The following CHD2 variants were observed in gnomAD, a reference collection of about 807,000 sequenced individuals.
CHD2 encodes the protein ATP-dependent chromatin remodeler CHD2.
CHD2 carries 28 observed loss-of-function variants against 243.9 expected under a neutral mutation model. The ratio of observed to expected loss-of-function variants is 0.11; its 90% CI spans 0.09 to 0.16. CHD2 has a LOEUF of 0.16. Among genes scored for constraint, CHD2 ranks in the 10% least tolerant of loss-of-function variants. CHD2 has a pLI of 1.00. For missense variants in CHD2, 1,386 were observed against 2,209.8 expected (o/e 0.63, Z 7.47); for synonymous variants, 775 against 779.0 (o/e 0.99, Z 0.09).
intron 26 of CHD2, among the ~76,000 whole-genome samples, chr15:92,991,043 A>T (rs2054113177): frequency 6.6e-6 from 1 of 152,226 alleles, no homozygotes; most frequent in Admixed American, 6.5e-5. Context: ...TGGTTTTCTA[A>T]TAACGAAAAA....
chr15:93,014,689 T>C lies in CHD2; in HGVS notation c.4693-7T>C. On this transcript the variant is annotated splice_polypyrimidine_tract_variant and splice_region_variant and intron_variant, in intron 36 of 38. Transcript: ENST00000394196. ...TTGAGCTTCTTTGGTTTCCTTTTAC[T>C]CTTTAGGAGCAAAAGAAGAAAGACG... 1 of 1,613,044 alleles carries C rather than the reference T, an allele frequency of 6.2e-7. No homozygotes were observed. Among genetic ancestry groups the C allele is most frequent in the South Asian group, 1.1e-5 (1 of 91,032 alleles).
At position 93,024,560 on chromosome 15, in the gene CHD2, A is replaced by C. The variant is rs772827876; in HGVS notation, c.5342A>C (p.His1781Pro). The change falls in exon 39 of 39, where the codon CAC (histidine) becomes CCC (proline). Residue 1781 changes from histidine (H) to proline (P), a missense_variant. His to Pro is a moderately conservative substitution (Grantham distance 77). Transcript: ENST00000394196. ...GEYKQPLPPL[H>P]PAVSDPRSPP... ...TATAAACAGCCTCTACCCCCATTGCACCCTGCAGTCTCAGATCCTCGCTCA... is the reference window on the plus strand; with the variant it reads ...TATAAACAGCCTCTACCCCCATTGCCCCCTGCAGTCTCAGATCCTCGCTCA... The C allele has an allele frequency of 5.6e-6, 9 of 1,614,054 alleles. 1 individual carries two copies. In the South Asian group the frequency reaches 9.9e-5, roughly 18 times the overall value.
intron 16 of CHD2, 123 bp downstream of exon 16, chr15:92,956,772 T>TG: frequency 1.2e-6 from 1 of 853,612 alleles, no homozygotes. Flanking sequence ...AAGCGTCAAA[T>TG]GGAGGCAGGG....
chr15:92,941,591 A>G (rs1203043517), intron 7 of CHD2, among the ~76,000 whole-genome samples: 1 of 152,148 alleles, frequency 6.6e-6, no homozygotes, highest in Non-Finnish European at 1.5e-5. Context: ...CAGTATAAAT[A>G]TAGAATTTTT....
intron 33 of CHD2, among the ~76,000 whole-genome samples, chr15:93,003,615 C>T (rs964116428): frequency 2.0e-4 from 29 of 142,922 alleles, no homozygotes; most frequent in Middle Eastern, 3.4e-3. Context: ...CGGGGGGAGA[C>T]GCTGATATCT....
chr15:92,950,605 T>C (rs2053540666), intron 13 of CHD2, among the ~76,000 whole-genome samples: 1 of 152,126 alleles, frequency 6.6e-6, no homozygotes, highest in Non-Finnish European at 1.5e-5. Context: ...AATACAAAAA[T>C]TAGCTGGACA....
rs1311223527 is a variant in CHD2 at position 92,992,993 on chromosome 15, G to T, written c.3590G>T (p.Ser1197Ile). ...EYEEQLKENA[S>I]EGKGPGKRRG... ...GAAGAGCAGCTGAAAGAAAATGCCA[G>T]CGAGGGTAAGCGAAGTTGGCTTTAG... Residue 1197 changes from serine (S) to isoleucine (I), a missense_variant, in exon 28 of 39, where the codon AGC becomes ATC. Ser to Ile is a moderately radical substitution (Grantham distance 142). This residue lies in a region of CHD2 where 99 missense variants were observed against 176.9 expected (regional missense o/e 0.56). Coordinates refer to ENST00000394196, the MANE Select transcript of CHD2 (RefSeq NM_001271.4). 1 of 1,613,422 alleles carries T rather than the reference G, an allele frequency of 6.2e-7. No individual in the cohort carries two copies. The highest frequency in any genetic ancestry group is 1.1e-5 in the South Asian group (1 of 91,050).
rs190927439 is a variant in CHD2 at position 92,942,286 on chromosome 15, A to G, written c.826+331A>G. Among the ~76,000 whole-genome samples, 81 of 152,302 alleles carry G rather than the reference A, an allele frequency of 5.3e-4. 2 individuals are homozygous for G. The highest frequency in any genetic ancestry group is 1.0e-3 in the Non-Finnish European group (68 of 68,020). ...AAAATATCAAACTGGTTAAATAAAT[A>G]TTGTGGTAATATTGAAGATTTTTAA... On this transcript the variant is annotated intron_variant, in intron 8 of 38. Transcript: ENST00000394196.
intron 34 of CHD2, among the ~76,000 whole-genome samples, chr15:93,007,981 G>C (rs1377490728): frequency 6.6e-6 from 1 of 152,222 alleles, no homozygotes; most frequent in African/African-American, 2.4e-5. Flanking sequence ...ATGTTTAAGA[G>C]TGGAGGACGA....
In CHD2 at chr15:92,997,009, G is replaced by C; in HGVS notation, c.3648G>C (p.Gln1216His). 6.2e-7 allele frequency: 1 copy of C among 1,613,880 alleles called. No homozygotes were observed. The highest frequency in any genetic ancestry group is 8.5e-7 in the Non-Finnish European group (1 of 1,179,920). The part of the protein sequence containing the change: ...RGPTIKISGV[Q>H]VNVKSIIQHE... Reference sequence around the variant, plus strand: ...CAACAATCAAGATATCCGGAGTTCAGGTTAATGTGAAATCCATTATCCAAC... The same window carrying C: ...CAACAATCAAGATATCCGGAGTTCACGTTAATGTGAAATCCATTATCCAAC... Residue 1216 changes from glutamine to histidine, a missense_variant, in exon 29 of 39, where the codon CAG (glutamine) becomes CAC (histidine). Transcript: ENST00000394196. The surrounding 1 kb of genome is among the most constrained non-coding windows in gnomAD (Gnocchi z 4.1).
intron 6 of CHD2, among the ~76,000 whole-genome samples, chr15:92,937,924 C>T (rs1332544995): frequency 2.0e-5 from 3 of 152,210 alleles, no homozygotes; most frequent in Non-Finnish European, 4.4e-5. Flanking sequence ...GTTTGCCTGG[C>T]TTAAAGCATA....
At chr15:92,982,109 A>G (rs2053987423) in intron 24 of CHD2, among the ~76,000 whole-genome samples, 3 of 152,226 alleles carry the variant, frequency 2.0e-5, no homozygotes, top group Non-Finnish European at 4.4e-5. Context: ...GAACTTGAGT[A>G]TAGGGAGATA....
At chr15:93,020,456 C>G (rs1242689617) in intron 38 of CHD2, 198 bp downstream of exon 38, 2 of 664,270 alleles carry the variant, frequency 3.0e-6, no homozygotes, top group African/African-American at 1.8e-5. Flanking sequence ...CACATTTCAC[C>G]TGTGCAGGAA....
rs1182699941 is a variant in CHD2 at position 92,924,508 on chromosome 15, G to A, written c.250G>A (p.Glu84Lys). The A allele has an allele frequency of 1.9e-6, 3 of 1,614,010 alleles. No homozygotes were observed. Among genetic ancestry groups the A allele is most frequent in the Non-Finnish European group, 2.5e-6 (3 of 1,180,014 alleles). Residue 84 changes from glutamate (E) to lysine (K), a missense_variant, in exon 3 of 39, where the codon GAG becomes AAG. Glu to Lys is a moderately conservative substitution (Grantham distance 56, BLOSUM62 1). Around this residue, in one of 19 missense-constraint regions of CHD2, gnomAD observed 89 missense variants for 102.4 expected, o/e 0.87. Coordinates refer to ENST00000394196, the MANE Select transcript of CHD2 (RefSeq NM_001271.4). ...CCAGCCAGTCCTCCCAGAAGCCAAA[G>A]AGAAGCCAGCCTCTAAGAAGGAACG... ...KSQPVLPEAK[E>K]KPASKKERIA...
chr15:92,951,460 C>T (rs1021258171), intron 13 of CHD2, among the ~76,000 whole-genome samples: 31 of 151,840 alleles, frequency 2.0e-4, no homozygotes, highest in African/African-American at 5.1e-4. Context: ...CATGAGCCAC[C>T]GTGCCTGGCC....
At chr15:92,957,526 G>A (rs1207964266) in intron 16 of CHD2, among the ~76,000 whole-genome samples, 2 of 152,128 alleles carry the variant, frequency 1.3e-5, no homozygotes, top group South Asian at 2.1e-4. Context: ...ATTAAATTAT[G>A]TATGAAAATC....
chr15:92,955,494 G>T lies in CHD2; in HGVS notation c.1791G>T (p.Glu597Asp). The T allele has an allele frequency of 6.3e-7, 1 of 1,592,798 alleles. No homozygotes were observed. The highest frequency in any genetic ancestry group is 8.5e-7 in the Non-Finnish European group (1 of 1,172,052). The change falls in exon 15 of 39, where the codon GAG becomes GAT. Residue 597 changes from glutamate (E) to aspartate (D), a missense_variant. Glu to Asp is a conservative substitution (Grantham distance 45). Coordinates refer to ENST00000394196, the MANE Select transcript of CHD2 (RefSeq NM_001271.4). The stretch of plus-strand genomic sequence containing the variant: ...TCAACGCACTTATAACAACATATGA[G>T]ATCCTCTTGAAAGATAAGGTGTGTA... ...LKFNALITTY[E>D]ILLKDKTVLG...
At chr15:92,925,743 TTC>T (rs2053047801) in intron 3 of CHD2, among the ~76,000 whole-genome samples, 1 of 152,192 alleles carries the variant, frequency 6.6e-6, no homozygotes, top group African/African-American at 2.4e-5. Flanking sequence ...TCCTAACTCC[TTC>T]TGTTTGGACC....
chr15:92,947,421 C>A (rs1039036641), intron 12 of CHD2: 1 of 152,048 alleles, frequency 6.6e-6, no homozygotes, highest in Admixed American at 6.6e-5. Context: ...ACTACTAGAC[C>A]CCAGGGGTGA....
Sources: allele counts gnomAD v4.1 joint callset (sites outside exome capture counted in the v4.1 genomes callset), GRCh38; gene constraint gnomAD v4.1.1; regional missense constraint gnomAD v4.1.1; non-coding constraint Gnocchi (gnomAD v3.1); transcripts MANE v1.5; gene names NCBI Gene and HGNC (gene_info 2026-07-23, HGNC 2026-07-21).